The following BRWD1 variants were observed in gnomAD, a reference collection of about 807,000 sequenced individuals.
The protein encoded by BRWD1 is bromodomain and WD repeat-containing protein 1.
In BRWD1, 82 loss-of-function variants were observed where a neutral mutation model predicts 251.2. The ratio of observed to expected loss-of-function variants is 0.33; its 90% CI spans 0.27 to 0.39. The LOEUF (loss-of-function observed/expected upper bound fraction) is 0.39. Among genes scored for constraint, BRWD1 ranks in the 10% least tolerant of loss-of-function variants. BRWD1 has a pLI of 1.00. For missense variants in BRWD1, 2,233 were observed against 2,711.6 expected (o/e 0.82, Z 3.92); for synonymous variants, 918 against 902.8 (o/e 1.02, Z -0.30).
In BRWD1 at chr21:39,191,322, A is replaced by T. The variant is rs1439491685; in HGVS notation, c.*4937T>A. 1.0e-6 allele frequency: 1 copy of T among 985,226 alleles called. No homozygotes were observed. The highest frequency in any genetic ancestry group is 1.7e-5 in the African/African-American group (1 of 57,216). The allele number at this position is 985,226 out of a possible 1,614,324, so 61.0% of individuals were successfully genotyped here. On this transcript the variant is annotated 3_prime_UTR_variant, in exon 41 of 41. Transcript: ENST00000342449. ...TCTGCCTGCATGAAAAGAAATTACC[A>T]GTGGAAAAGAGGTTGGGGAACCACT...
At chr21:39,314,698 GT>G (rs1288760556), upstream of BRWD1, 3 of 258,270 alleles carry the variant, frequency 1.2e-5, no homozygotes, top group African/African-American at 6.8e-5. Context: ...TGGAATGCGC[GT>G]TAACAATTCT....
chr21:39,206,938 C>G (rs1456172821), intron 36 of BRWD1, among the ~76,000 whole-genome samples: 1 of 152,178 alleles, frequency 6.6e-6, no homozygotes, highest in Non-Finnish European at 1.5e-5. Context: ...GTCTAATGCT[C>G]AAAACTTAAA....
rs779950717 is a variant in BRWD1, at chr21:39,210,772, C to T, written c.4044+14G>A. 46 of 1,594,672 alleles carry T rather than the reference C, an allele frequency of 2.9e-5. No individual in the cohort carries two copies. The highest frequency in any genetic ancestry group is 2.2e-4 in the Admixed American group (12 of 54,064). On this transcript the variant is annotated intron_variant, in intron 35 of 40. Coordinates refer to ENST00000342449, the MANE Select transcript of BRWD1 (RefSeq NM_033656.4). ...ACAAGAAAAGCCCCAAACATTTAAA[C>T]AATGGAAACTTACTGGATATTCAAC...
chr21:39,217,612 C>T (rs186049071), intron 31 of BRWD1: 1 of 154,910 alleles, frequency 6.5e-6, no homozygotes, highest in East Asian at 1.9e-4. Flanking sequence ...AGTAGCCCCC[C>T]TGTTAAACCA....
chr21:39,194,450 A>C lies in BRWD1; in HGVS notation c.*1809T>G. ...TCAGTCTTAGTCAAGGACAATTATC[A>C]TGAATCAATCTGTTTACTATCTACT... On this transcript the variant is annotated 3_prime_UTR_variant, in exon 41 of 41. Coordinates refer to ENST00000342449, the MANE Select transcript of BRWD1 (RefSeq NM_033656.4). 5.3e-6 allele frequency: 7 copies of C among 1,327,334 alleles called. No homozygotes were observed. The highest frequency in any genetic ancestry group is 6.7e-6 in the Non-Finnish European group (7 of 1,040,610). 82.2% of individuals were successfully genotyped at this position (1,327,334 alleles called of 1,614,324 possible). A position where few individuals can be genotyped will look rare whatever the true frequency, so the allele number is the denominator to read the frequency against.
intron 20 of BRWD1, among the ~76,000 whole-genome samples, chr21:39,248,666 A>AC (rs1568913815): frequency 8.2e-6 from 1 of 122,312 alleles, no homozygotes; most frequent in Non-Finnish European, 1.8e-5. Flanking sequence ...AAAAAAAAAA[A>AC]AAAAAAAAAA....
chr21:39,189,292 C>T lies in BRWD1; in HGVS notation c.*6967G>A. On this transcript the variant is annotated 3_prime_UTR_variant, in exon 41 of 41. Transcript: ENST00000342449. ...GTTCATTCCCAACAACCTATTCATCCAGACAAATAGATAAAATTCTATTTC... is the reference window on the plus strand; with the variant it reads ...GTTCATTCCCAACAACCTATTCATCTAGACAAATAGATAAAATTCTATTTC... The T allele has an allele frequency of 1.0e-6, 1 of 984,550 alleles. No individual in the cohort carries two copies. Among genetic ancestry groups the T allele is most frequent in the South Asian group, 4.7e-5 (1 of 21,268 alleles). The allele number at this position is 984,550 out of a possible 1,614,324, so 61.0% of individuals were successfully genotyped here.
Position 39,194,772 on chromosome 21 carries a change from G to A in BRWD1, c.*1487C>T. The stretch of plus-strand genomic sequence containing the variant: ...TTTGTCTGAAACCAAACACAATTAG[G>A]GCTAATAAATAACATTGTCTAATAT... On this transcript the variant is annotated 3_prime_UTR_variant, in exon 41 of 41. Coordinates refer to ENST00000342449, the MANE Select transcript of BRWD1 (RefSeq NM_033656.4). 1 of 1,534,824 alleles carries A rather than the reference G, an allele frequency of 6.5e-7. No individual in the cohort carries two copies. The highest frequency in any genetic ancestry group is 8.7e-7 in the Non-Finnish European group (1 of 1,145,854).
At position 39,194,634 on chromosome 21, in the gene BRWD1, T is replaced by A; in HGVS notation, c.*1625A>T. ...GAAAGAAAATGTACCTTCTACTATGTCAAATGGAATAGATAACTACAAAAT... is the reference window on the plus strand; with the variant it reads ...GAAAGAAAATGTACCTTCTACTATGACAAATGGAATAGATAACTACAAAAT... On this transcript the variant is annotated 3_prime_UTR_variant, in exon 41 of 41. Coordinates refer to ENST00000342449, the MANE Select transcript of BRWD1 (RefSeq NM_033656.4). The A allele has an allele frequency of 6.5e-7, 1 of 1,530,102 alleles. No individual in the cohort carries two copies. Among genetic ancestry groups the A allele is most frequent in the Non-Finnish European group, 8.7e-7 (1 of 1,143,388 alleles). The allele number at this position is 1,530,102 out of a possible 1,614,324, so 94.8% of individuals were successfully genotyped here.
At chr21:39,207,693 G>A (rs34304022) in intron 36 of BRWD1, among the ~76,000 whole-genome samples, 23,224 of 152,154 alleles carry the variant, frequency 0.15, 2,179 homozygotes, top group Non-Finnish European at 0.21. Context: ...TGAGAGATAC[G>A]TGTATTCCAA....
chr21:39,276,831 T>C lies in BRWD1; in HGVS notation c.1104+420A>G, dbSNP rs1184176864. On this transcript the variant is annotated intron_variant, in intron 11 of 40. Transcript: ENST00000342449. ...CAAGATTTTGAACATAAAGCTAAAA[T>C]AACCACTGTAAAATATTAGGCCTCT... 2.0e-5 allele frequency among the ~76,000 whole-genome samples: 3 copies of C among 152,164 alleles called. No individual in the cohort carries two copies. In the East Asian group the frequency reaches 5.8e-4, roughly 29 times the overall value.
intron 4 of BRWD1, 146 bp from the exon 5 acceptor site, chr21:39,298,728 A>C: frequency 1.7e-6 from 1 of 582,494 alleles, no homozygotes; most frequent in South Asian, 4.7e-5. Flanking sequence ...TTAAATAAAC[A>C]ATAAGCTGAT....
At chr21:39,228,160 C>T (rs561343309) in intron 27 of BRWD1, among the ~76,000 whole-genome samples, 2 of 152,124 alleles carry the variant, frequency 1.3e-5, no homozygotes, top group African/African-American at 4.8e-5. Context: ...TAGTGGCGCA[C>T]ACCTGTAATC....
chr21:39,246,794 C>A (rs916431329), intron 21 of BRWD1, among the ~76,000 whole-genome samples: 1 of 152,120 alleles, frequency 6.6e-6, no homozygotes. Context: ...ATTTTAAGAG[C>A]CCGTCCGGCT....
intron 23 of BRWD1, among the ~76,000 whole-genome samples, chr21:39,233,019 A>G (rs1004375351): frequency 2.6e-5 from 4 of 152,150 alleles, no homozygotes; most frequent in African/African-American, 4.8e-5. Flanking sequence ...CGATGAGACT[A>G]TGTGCAACTT....
chr21:39,316,881 G>A (rs1451701465), upstream of BRWD1, among the ~76,000 whole-genome samples: 1 of 152,154 alleles, frequency 6.6e-6, no homozygotes, highest in Non-Finnish European at 1.5e-5. Flanking sequence ...TGACGCTGCA[G>A]TGACCCATGA....
chr21:39,294,719 G>A (rs539103382), intron 7 of BRWD1, among the ~76,000 whole-genome samples: 1 of 151,698 alleles, frequency 6.6e-6, no homozygotes, highest in Non-Finnish European at 1.5e-5. Flanking sequence ...ATGAATGTTG[G>A]AACAGATCTA....
chr21:39,207,451 A>ACACACACACAC (rs1555849300), intron 36 of BRWD1, among the ~76,000 whole-genome samples: 2 of 131,288 alleles, frequency 1.5e-5, no homozygotes, highest in East Asian at 2.1e-4. Flanking sequence ...AAAAAAAGAA[A>ACACACACACAC]ACACACACAC....
upstream of BRWD1, chr21:39,313,935 C>A: frequency 3.0e-6 from 1 of 335,468 alleles, no homozygotes; most frequent in Non-Finnish European, 5.8e-6. Context: ...GGCCCAGCAG[C>A]GGGCGGGTGC....
Sources: allele counts gnomAD v4.1 joint callset (sites outside exome capture counted in the v4.1 genomes callset), GRCh38; gene constraint gnomAD v4.1.1; transcripts MANE v1.5; gene names NCBI Gene and HGNC (gene_info 2026-07-23, HGNC 2026-07-21).